Variants in NR3C2 observed in about 807,000 individuals in gnomAD.
NR3C2 encodes the protein nuclear receptor subfamily 3 group C member 2, also known as mineralocorticoid receptor.
In NR3C2, 15 loss-of-function variants were observed where a neutral mutation model predicts 86.4. The observed-to-expected ratio is 0.17, with a 90% CI of 0.12 to 0.27. NR3C2 has a LOEUF of 0.27. NR3C2 is among the 10% of genes least tolerant of loss of function. The pLI is 1.00. For missense variants in NR3C2, 960 were observed against 1,195.6 expected (o/e 0.80, Z 2.91); for synonymous variants, 458 against 450.5 (o/e 1.02, Z -0.21).
intron 2 of NR3C2, among the ~76,000 whole-genome samples, chr4:148,266,230 G>C (rs769935324): frequency 1.3e-5 from 2 of 151,966 alleles, no homozygotes; most frequent in Non-Finnish European, 2.9e-5. Context: ...GCGCCACCAC[G>C]CCCAGCTAAT....
chr4:148,109,161 A>G (rs1443972505), intron 8 of NR3C2, among the ~76,000 whole-genome samples: 2 of 152,070 alleles, frequency 1.3e-5, no homozygotes, highest in Non-Finnish European at 2.9e-5. Context: ...GGATCCTCTG[A>G]TGCCCCCTTG....
Position 148,242,299 on chromosome 4 carries a change from G to T in NR3C2, c.1897+17679C>A, listed in dbSNP as rs957013033. Among the ~76,000 whole-genome samples the T allele has an allele frequency of 2.0e-5, 3 of 152,196 alleles. No homozygotes were observed. The East Asian group carries it at 5.8e-4, about 29-fold the overall frequency. On this transcript the variant is annotated intron_variant, in intron 3 of 8. Coordinates refer to ENST00000358102, the MANE Select transcript of NR3C2 (RefSeq NM_000901.5). ...GATGGCGGCATCTGTTGCTGGTGGGGATGGAGGAAGGGTCCTCAAACTACT... is the reference window on the plus strand; with the variant it reads ...GATGGCGGCATCTGTTGCTGGTGGGTATGGAGGAAGGGTCCTCAAACTACT...
At chr4:148,222,127 AC>A (rs1321002678) in intron 3 of NR3C2, among the ~76,000 whole-genome samples, 1 of 152,164 alleles carries the variant, frequency 6.6e-6, no homozygotes, top group Non-Finnish European at 1.5e-5. Flanking sequence ...ATTCACTGAT[AC>A]TAAATTGGAT....
At chr4:148,163,685 T>C (rs987926182) in intron 4 of NR3C2, among the ~76,000 whole-genome samples, 6 of 152,064 alleles carry the variant, frequency 3.9e-5, no homozygotes, top group African/African-American at 1.4e-4. Flanking sequence ...TGGTTTCTTG[T>C]AATCTTGAGA....
chr4:148,297,860 G>A (rs539076115), intron 2 of NR3C2, among the ~76,000 whole-genome samples: 2 of 149,638 alleles, frequency 1.3e-5, no homozygotes, highest in East Asian at 2.0e-4. Flanking sequence ...TTGCACTCCA[G>A]CCTGGGCGAC....
At chr4:148,241,883 T>C (rs67343083) in intron 3 of NR3C2, among the ~76,000 whole-genome samples, 27,542 of 152,134 alleles carry the variant, frequency 0.18, 3,314 homozygotes, top group East Asian at 0.47. Flanking sequence ...TGTAGGGAGT[T>C]ATTTTTCATC....
At chr4:148,220,732 G>A (rs1737794338) in intron 3 of NR3C2, among the ~76,000 whole-genome samples, 2 of 152,176 alleles carry the variant, frequency 1.3e-5, no homozygotes, top group African/African-American at 2.4e-5. Flanking sequence ...GGAGGTCAAG[G>A]CTGCAGTAAG....
intron 4 of NR3C2, among the ~76,000 whole-genome samples, chr4:148,162,369 T>C (rs958077148): frequency 1.3e-5 from 2 of 152,164 alleles, no homozygotes; most frequent in Non-Finnish European, 2.9e-5. Flanking sequence ...GCTATATTCT[T>C]TTTTTCTCCT....
At chr4:148,247,182 G>C (rs774517626) in intron 3 of NR3C2, among the ~76,000 whole-genome samples, 1 of 152,184 alleles carries the variant, frequency 6.6e-6, no homozygotes, top group Non-Finnish European at 1.5e-5. Flanking sequence ...GCCACCTCAC[G>C]ATGGGAAATG....
At chr4:148,142,602 C>T (rs61042246) in intron 6 of NR3C2, among the ~76,000 whole-genome samples, 1 of 152,286 alleles carries the variant, frequency 6.6e-6, no homozygotes, top group Non-Finnish European at 1.5e-5. Flanking sequence ...TCAAGTGATA[C>T]TCCCACCTCA....
chr4:148,204,381 T>C (rs1736895135), intron 3 of NR3C2, among the ~76,000 whole-genome samples: 1 of 152,198 alleles, frequency 6.6e-6, no homozygotes, highest in Non-Finnish European at 1.5e-5. Context: ...ACTAATACGT[T>C]ATTCAGGGCA....
At chr4:148,255,957 T>A (rs1739811164) in intron 3 of NR3C2, among the ~76,000 whole-genome samples, 4 of 152,230 alleles carry the variant, frequency 2.6e-5, no homozygotes, top group Admixed American at 2.0e-4. Flanking sequence ...ACATGGAAAT[T>A]CATTCAAACA....
chr4:148,401,920 C>T (rs776122423), intron 2 of NR3C2, among the ~76,000 whole-genome samples: 5 of 152,188 alleles, frequency 3.3e-5, no homozygotes, highest in Non-Finnish European at 7.3e-5. Context: ...TTTCATGAGT[C>T]AAAACCAAAT....
chr4:148,132,568 C>G (rs1733087278), intron 6 of NR3C2, among the ~76,000 whole-genome samples: 1 of 152,200 alleles, frequency 6.6e-6, no homozygotes, highest in Non-Finnish European at 1.5e-5. Flanking sequence ...CCAAATATCA[C>G]TGGATATTTT....
chr4:148,099,707 G>C (rs966943678), intron 8 of NR3C2, among the ~76,000 whole-genome samples: 8 of 152,136 alleles, frequency 5.3e-5, no homozygotes, highest in African/African-American at 1.9e-4. Flanking sequence ...TGTAAGAAGA[G>C]GGATTTGAGC....
intron 8 of NR3C2, among the ~76,000 whole-genome samples, chr4:148,100,971 A>G (rs566201007): frequency 6.2e-4 from 94 of 152,216 alleles, no homozygotes; most frequent in Non-Finnish European, 6.2e-4. Context: ...ATAAAAAGAC[A>G]AATACTGTAT....
chr4:148,093,024 C>G (rs1361794218), intron 8 of NR3C2, among the ~76,000 whole-genome samples: 1 of 152,172 alleles, frequency 6.6e-6, no homozygotes, highest in African/African-American at 2.4e-5. Context: ...AATAAGAGTC[C>G]CGCATTGTTA....
intron 2 of NR3C2, among the ~76,000 whole-genome samples, chr4:148,262,661 A>T (rs1453241576): frequency 6.6e-6 from 1 of 152,142 alleles, no homozygotes; most frequent in African/African-American, 2.4e-5. Context: ...TGCAGATGTA[A>T]TTAGTTAAGA....
At chr4:148,372,484 A>G (rs909057268) in intron 2 of NR3C2, among the ~76,000 whole-genome samples, 11 of 152,158 alleles carry the variant, frequency 7.2e-5, no homozygotes, top group African/African-American at 2.4e-4. Context: ...CACAAACCAA[A>G]GAGGCATTCT....
Sources: allele counts gnomAD v4.1 joint callset (sites outside exome capture counted in the v4.1 genomes callset), GRCh38; gene constraint gnomAD v4.1.1; transcripts MANE v1.5; gene names NCBI Gene and HGNC (gene_info 2026-07-23, HGNC 2026-07-21).